The following CAMTA1 variants were observed in gnomAD, a reference collection of about 807,000 sequenced individuals.
CAMTA1 encodes calmodulin-binding transcription activator 1.
CAMTA1 carries 27 observed loss-of-function variants against 170.9 expected under a neutral mutation model. The ratio of observed to expected loss-of-function variants is 0.16; its 90% CI spans 0.12 to 0.22. The LOEUF (loss-of-function observed/expected upper bound fraction) is 0.22. Among genes scored for constraint, CAMTA1 ranks in the 10% least tolerant of loss-of-function variants. The pLI is 1.00. For missense variants in CAMTA1, 1,619 were observed against 2,217.2 expected, an observed-to-expected ratio of 0.73 and a Z score of 5.42; for synonymous variants, 833 against 891.5, an observed-to-expected ratio of 0.93 and a Z score of 1.17.
At chr1:7,159,254 G>A (rs1405316664) in intron 4 of CAMTA1, among the ~76,000 whole-genome samples, 1 of 152,034 alleles carries the variant, frequency 6.6e-6, no homozygotes, top group Non-Finnish European at 1.5e-5. Flanking sequence ...ACTTCAAAGT[G>A]ATGGGCATTT....
At chr1:7,075,038 T>C (rs1639113378) in intron 3 of CAMTA1, among the ~76,000 whole-genome samples, 1 of 152,252 alleles carries the variant, frequency 6.6e-6, no homozygotes, top group African/African-American at 2.4e-5. Flanking sequence ...TTGGTAACTG[T>C]TAAGTGAAAA....
rs1553180535 is a variant in CAMTA1, at chr1:6,902,084, T to TAATAATAA, written c.234+76876_234+76877insTAATAAAA. Among the ~76,000 whole-genome samples, 189 of 105,020 alleles carry TAATAATAA rather than the reference T, an allele frequency of 1.8e-3. 1 individual carries two copies. The highest frequency in any genetic ancestry group is 7.2e-3 in the African/African-American group (174 of 24,300). The allele number at this position is 105,020 out of a possible 152,430, so 68.9% of individuals were successfully genotyped here. On this transcript the variant is annotated intron_variant, in intron 3 of 22. Transcript: ENST00000303635. ...ACACACACACACACAAAAAAAAAAA[T>TAATAATAA]AAAAATAAAAACTCGTACTGGCTTT...
rs116727758 is a variant in CAMTA1 at position 7,565,484 on chromosome 1, G to T, written c.511-74916G>T. On this transcript the variant is annotated intron_variant, in intron 6 of 22. Transcript: ENST00000303635. This position sits in a 1 kb window ranked among gnomAD's most constrained non-coding sequence, Gnocchi z 4.5. ...GAGGCCAGGAACAGAGGGCTTGGCT[G>T]AGTGTCCACATCAGGGGCTGGGCTT... Among the ~76,000 whole-genome samples the T allele has an allele frequency of 6.6e-6, 1 of 152,170 alleles. No individual in the cohort carries two copies. Among genetic ancestry groups the T allele is most frequent in the African/African-American group, 2.4e-5 (1 of 41,428 alleles).
intron 22 of CAMTA1, among the ~76,000 whole-genome samples, chr1:7,762,986 C>T (rs1478953416): frequency 1.3e-5 from 2 of 152,212 alleles, no homozygotes; most frequent in East Asian, 3.9e-4. Context: ...TTTTAAAATA[C>T]TTCTGTGTTA....
intron 6 of CAMTA1, among the ~76,000 whole-genome samples, chr1:7,601,323 C>T (rs1356788916): frequency 1.3e-4 from 20 of 150,980 alleles, no homozygotes; most frequent in East Asian, 5.9e-4. Context: ...CGGGCAGAGA[C>T]GCTCCTCACA....
At chr1:7,616,080 T>C (rs1480639410) in intron 6 of CAMTA1, among the ~76,000 whole-genome samples, 1 of 152,236 alleles carries the variant, frequency 6.6e-6, no homozygotes, top group Non-Finnish European at 1.5e-5. Flanking sequence ...TTTTCCTCCA[T>C]TCAGCCAAAT....
chr1:7,163,408 A>G (rs1245026945), intron 4 of CAMTA1, among the ~76,000 whole-genome samples: 1 of 151,926 alleles, frequency 6.6e-6, no homozygotes, highest in East Asian at 1.9e-4. Flanking sequence ...GTGGACCTGG[A>G]GAGGAAGAGA....
At chr1:7,479,404 CCTG>C (rs1475562868) in intron 6 of CAMTA1, among the ~76,000 whole-genome samples, 27 of 152,126 alleles carry the variant, frequency 1.8e-4, no homozygotes, top group South Asian at 8.3e-4. Context: ...GGGGGTGGTA[CCTG>C]AAGGAGGCTT....
chr1:7,711,826 AG>A (rs2096573074), intron 11 of CAMTA1, among the ~76,000 whole-genome samples: 2 of 152,222 alleles, frequency 1.3e-5, no homozygotes, highest in Non-Finnish European at 2.9e-5. Context: ...GGAAGTACTT[AG>A]CCTAAAACTG....
At chr1:7,474,482 G>T (rs1575512867) in intron 6 of CAMTA1, among the ~76,000 whole-genome samples, 1 of 152,248 alleles carries the variant, frequency 6.6e-6, no homozygotes, top group African/African-American at 2.4e-5. Context: ...CACAGGGCAA[G>T]CATCCACGAA....
intron 3 of CAMTA1, among the ~76,000 whole-genome samples, chr1:6,950,962 C>T (rs1688384312): frequency 6.6e-6 from 1 of 152,214 alleles, no homozygotes; most frequent in African/African-American, 2.4e-5. Context: ...GCTGTTGCTG[C>T]TCATGGAGAC....
chr1:7,175,223 T>C (rs1332752610), intron 4 of CAMTA1, among the ~76,000 whole-genome samples: 3 of 151,850 alleles, frequency 2.0e-5, no homozygotes, highest in Non-Finnish European at 4.4e-5. Context: ...GGAAGGACAA[T>C]AGACAGGGTC....
chr1:6,824,675 C>T (rs1646906798), intron 2 of CAMTA1, among the ~76,000 whole-genome samples: 1 of 152,116 alleles, frequency 6.6e-6, no homozygotes, highest in African/African-American at 2.4e-5. Context: ...ACAAAATAGT[C>T]ATATATTACT....
rs1385628524 is a variant in CAMTA1 at position 7,561,409 on chromosome 1, G to T, written c.511-78991G>T. ...AATGGGCCAGGCAGGTGGGGCAGGA[G>T]CCTCCTCTTGGGAGTCACATGGCCC... is the stretch of plus-strand genomic sequence containing the variant. On this transcript the variant is annotated intron_variant, in intron 6 of 22. Transcript: ENST00000303635. The surrounding 1 kb of genome is among the most constrained non-coding windows in gnomAD (Gnocchi z 5.3). Among the ~76,000 whole-genome samples, 2 of 151,904 alleles carry T rather than the reference G, an allele frequency of 1.3e-5. No individual in the cohort carries two copies. Among genetic ancestry groups the T allele is most frequent in the African/African-American group, 4.8e-5 (2 of 41,378 alleles).
At chr1:7,107,278 A>ATGTGTGTGTGTGTGTGTGTGTG (rs148905936) in intron 4 of CAMTA1, among the ~76,000 whole-genome samples, 1 of 142,332 alleles carries the variant, frequency 7.0e-6, no homozygotes, top group African/African-American at 2.7e-5. Flanking sequence ...GTGTGTGTGC[A>ATGTGTGTGTGTGTGTGTGTGTG]TGTGTGTGTG....
rs375970935 is a variant in CAMTA1, at chr1:6,879,514, A to G, written c.234+54304A>G. Among the ~76,000 whole-genome samples, 19 of 152,302 alleles carry G rather than the reference A, an allele frequency of 1.2e-4. No individual in the cohort carries two copies. The South Asian group carries it at 1.9e-3, about 15-fold the overall frequency. ...TTACATGTGGAATTTGAACCGGACT[A>G]TGAAATCTATTTCTTCTCTAATTTG... On this transcript the variant is annotated intron_variant, in intron 3 of 22. Coordinates refer to ENST00000303635, the MANE Select transcript of CAMTA1 (RefSeq NM_015215.4).
chr1:7,640,451 T>C lies in CAMTA1; in HGVS notation c.562T>C (p.Cys188Arg), dbSNP rs766673385. The stretch of plus-strand genomic sequence containing the variant: ...CCTGAACGTGCCGGCCATCGAGGAC[T>C]GCGGCAAGCCTTGCGGCCCCATCCT... ...HYLNVPAIEDCGKPCGPILCS... is the reference protein window; with the variant it reads ...HYLNVPAIEDRGKPCGPILCS... Residue 188 changes from cysteine to arginine, a missense_variant, in exon 7 of 23, where the codon TGC becomes CGC. Coordinates refer to ENST00000303635, the MANE Select transcript of CAMTA1 (RefSeq NM_015215.4). 9 of 1,614,124 alleles carry C rather than the reference T, an allele frequency of 5.6e-6. No homozygotes were observed. Among genetic ancestry groups the C allele is most frequent in the Non-Finnish European group, 7.6e-6 (9 of 1,180,026 alleles).
chr1:7,670,872 C>T (rs754720149), intron 9 of CAMTA1, 39 bp from the exon 10 acceptor site: 8 of 1,607,776 alleles, frequency 5.0e-6, no homozygotes, highest in Non-Finnish European at 6.0e-6. Context: ...CCCACAGTGG[C>T]TCACACTCCA....
At chr1:7,329,735 T>G (rs2082904725) in intron 5 of CAMTA1, among the ~76,000 whole-genome samples, 2 of 152,204 alleles carry the variant, frequency 1.3e-5, no homozygotes, top group Admixed American at 6.5e-5. Context: ...CTCTTCTATG[T>G]GTAACCCCAA....
Sources: gnomAD v4.1 joint callset for allele counts (sites outside exome capture counted in the v4.1 genomes callset) on GRCh38, gnomAD v4.1.1 for gene constraint, Gnocchi (gnomAD v3.1) non-coding constraint, MANE v1.5 for transcripts, NCBI Gene and HGNC (gene_info 2026-07-23, HGNC 2026-07-21) for gene names.